The following CSMD1 variants were observed in gnomAD, a reference collection of about 807,000 sequenced individuals.
CSMD1 encodes CUB and sushi domain-containing protein 1.
Under a neutral mutation model 417.5 loss-of-function variants are expected in CSMD1, and 213 were observed. The ratio of observed to expected loss-of-function variants is 0.51; its 90% CI spans 0.46 to 0.57. The LOEUF is 0.57. CSMD1 is among the 20% of genes least tolerant of loss of function. The pLI is 0.00. For missense variants in CSMD1, 6,923 were observed against 4,529.7 expected, an observed-to-expected ratio of 1.53 and a Z score of -15.17; for synonymous variants, 2,862 against 1,736.8, an observed-to-expected ratio of 1.65 and a Z score of -16.11.
intron 3 of CSMD1, among the ~76,000 whole-genome samples, chr8:4,320,528 G>A (rs536897720): frequency 6.6e-6 from 1 of 151,998 alleles, no homozygotes; most frequent in South Asian, 2.1e-4. Context: ...CCCCCAACAG[G>A]CCCCAGTGGG....
intron 48 of CSMD1, among the ~76,000 whole-genome samples, chr8:3,089,318 C>T (rs1180872925): frequency 2.0e-5 from 3 of 152,206 alleles, no homozygotes; most frequent in African/African-American, 7.2e-5. Context: ...GTACTTTCAA[C>T]CCGCCCAATA....
chr8:3,513,821 T>G (rs1242707201), intron 10 of CSMD1, among the ~76,000 whole-genome samples: 5 of 152,108 alleles, frequency 3.3e-5, no homozygotes, highest in African/African-American at 1.2e-4. Flanking sequence ...GAGTACAGAA[T>G]AAGAAAACTG....
chr8:3,591,208 T>C (rs1036831070), intron 8 of CSMD1, among the ~76,000 whole-genome samples: 5 of 152,182 alleles, frequency 3.3e-5, no homozygotes, highest in Non-Finnish European at 7.3e-5. Flanking sequence ...ACAGCAAAAG[T>C]TAACTCAAAC....
At chr8:3,740,879 C>A (rs1282749241) in intron 6 of CSMD1, among the ~76,000 whole-genome samples, 2 of 152,086 alleles carry the variant, frequency 1.3e-5, no homozygotes, top group African/African-American at 4.8e-5. Context: ...CAGAGCCCTA[C>A]TCAGCTTCTG....
intron 23 of CSMD1, among the ~76,000 whole-genome samples, chr8:3,337,569 A>G (rs1007189088): frequency 3.7e-4 from 57 of 152,232 alleles, no homozygotes; most frequent in Non-Finnish European, 5.4e-4. Context: ...TCTTTCATCA[A>G]TGCTATGTCT....
chr8:3,978,054 G>C (rs374155686), intron 5 of CSMD1, among the ~76,000 whole-genome samples: 5 of 152,120 alleles, frequency 3.3e-5, no homozygotes, highest in African/African-American at 1.2e-4. Context: ...TCCTCAAAAA[G>C]CACGTTGTAC....
chr8:3,238,077 A>C (rs1799267158), intron 26 of CSMD1, among the ~76,000 whole-genome samples: 1 of 151,960 alleles, frequency 6.6e-6, no homozygotes, highest in Non-Finnish European at 1.5e-5. Flanking sequence ...AGACGGGCTG[A>C]GTCCGAAAAG....
At chr8:4,854,359 G>A (rs1801665378) in intron 1 of CSMD1, among the ~76,000 whole-genome samples, 1 of 152,168 alleles carries the variant, frequency 6.6e-6, no homozygotes, top group South Asian at 2.1e-4. Context: ...AGTAGTGATT[G>A]AATTCTCAAA....
rs143770748 is a variant in CSMD1 at position 3,944,298 on chromosome 8, A to T, written c.818+53605T>A. ...TAGAGAAATCAAACCTGTCAGTTTG[A>T]GCCCCGGATAATTAACTTTTGCATA... On this transcript the variant is annotated intron_variant, in intron 5 of 69. Coordinates refer to ENST00000635120, the MANE Select transcript of CSMD1 (RefSeq NM_033225.6). 9.0e-3 allele frequency among the ~76,000 whole-genome samples: 1,375 copies of T among 152,236 alleles called. 17 individuals carry two copies. Among genetic ancestry groups the T allele is most frequent in the African/African-American group, 0.031 (1,271 of 41,562 alleles).
intron 3 of CSMD1, among the ~76,000 whole-genome samples, chr8:4,088,240 C>A (rs940729808): frequency 6.6e-6 from 1 of 152,188 alleles, no homozygotes; most frequent in Non-Finnish European, 1.5e-5. Flanking sequence ...CTCTCAGAAG[C>A]TGAGAAGTAG....
intron 3 of CSMD1, among the ~76,000 whole-genome samples, chr8:4,047,781 A>C (rs977887724): frequency 6.6e-6 from 1 of 152,128 alleles, no homozygotes; most frequent in Non-Finnish European, 1.5e-5. Context: ...ATAGGTAGAG[A>C]ATGCAATTTT....
intron 1 of CSMD1, among the ~76,000 whole-genome samples, chr8:4,650,190 A>C (rs1414889764): frequency 6.6e-6 from 1 of 151,778 alleles, no homozygotes; most frequent in African/African-American, 2.4e-5. Flanking sequence ...ATAAAAATCC[A>C]AAAAATTAGC....
chr8:4,169,353 G>A (rs558819365), intron 3 of CSMD1, among the ~76,000 whole-genome samples: 1 of 152,212 alleles, frequency 6.6e-6, no homozygotes, highest in African/African-American at 2.4e-5. Flanking sequence ...CTAGATAAAT[G>A]GCGACTGCGT....
chr8:3,075,923 C>A (rs533522437), intron 49 of CSMD1, among the ~76,000 whole-genome samples: 3 of 150,360 alleles, frequency 2.0e-5, no homozygotes, highest in South Asian at 2.1e-4. Flanking sequence ...TGGTGGCGGG[C>A]GCCTGTAGTC....
intron 27 of CSMD1, among the ~76,000 whole-genome samples, chr8:3,225,695 C>T (rs896962264): frequency 2.0e-5 from 3 of 152,124 alleles, no homozygotes; most frequent in African/African-American, 7.2e-5. Flanking sequence ...AAAGGGGAAA[C>T]CCTGTCTTAT....
intron 2 of CSMD1, among the ~76,000 whole-genome samples, chr8:4,567,104 T>G (rs955018543): frequency 6.6e-6 from 1 of 152,176 alleles, no homozygotes; most frequent in African/African-American, 2.4e-5. Context: ...TTAAAATGTA[T>G]GGCTTTGAAA....
intron 25 of CSMD1, among the ~76,000 whole-genome samples, chr8:3,304,725 TTTCTC>T (rs1368380091): frequency 3.7e-5 from 1 of 27,014 alleles, no homozygotes; most frequent in African/African-American, 1.1e-4. Flanking sequence ...TTTTTTTATT[TTTCTC>T]TTTTTAATTT....
intron 54 of CSMD1, among the ~76,000 whole-genome samples, chr8:2,990,885 G>A (rs959799027): frequency 6.6e-6 from 1 of 152,224 alleles, no homozygotes; most frequent in Admixed American, 6.5e-5. Flanking sequence ...GAGCTTATTG[G>A]TCAGAGGCAT....
intron 3 of CSMD1, among the ~76,000 whole-genome samples, chr8:4,067,967 C>G (rs1455568376): frequency 6.6e-6 from 1 of 151,998 alleles, no homozygotes; most frequent in Non-Finnish European, 1.5e-5. Flanking sequence ...ATCCCAGCTA[C>G]TTGGGAGGCT....
Sources: gnomAD v4.1 joint callset for allele counts (sites outside exome capture counted in the v4.1 genomes callset) on GRCh38, gnomAD v4.1.1 for gene constraint, MANE v1.5 for transcripts, NCBI Gene and HGNC (gene_info 2026-07-23, HGNC 2026-07-21) for gene names.